NBAS: variants seen among roughly 807,000 people sequenced by gnomAD.
NBAS encodes NBAS subunit of NRZ tethering complex, also known as NAG/BC035112 fusion.
NBAS carries 219 observed loss-of-function variants against 302.5 expected under a neutral mutation model. That is an observed-to-expected ratio of 0.72 (90% CI 0.65 to 0.81). The LOEUF (loss-of-function observed/expected upper bound fraction) is 0.81. NBAS is among the 30% of genes least tolerant of loss of function. The pLI is 0.00. For synonymous variants in NBAS, 1,118 were observed against 1,021.6 expected, an observed-to-expected ratio of 1.09 and a Z score of -1.80; for missense variants, 2,932 against 2,841.6, an observed-to-expected ratio of 1.03 and a Z score of -0.72.
At chr2:15,075,245 T>C in the NBAS span, among the ~76,000 whole-genome samples, 1 of 152,190 alleles carries the variant, frequency 6.6e-6, no homozygotes, top group African/African-American at 2.4e-5. Context: ...TGATCTATTG[T>C]TAAATGTAAA....
At chr2:15,048,024 T>C in the NBAS span, among the ~76,000 whole-genome samples, 69 of 74,222 alleles carry the variant, frequency 9.3e-4, no homozygotes, top group Middle Eastern at 5.1e-3. Context: ...GTTCAGCAAA[T>C]GGCTAGTGGA....
intron 11 of NBAS, among the ~76,000 whole-genome samples, chr2:15,489,227 A>G (rs568251191): frequency 4.5e-4 from 69 of 152,306 alleles, no homozygotes; most frequent in African/African-American, 1.5e-3. Flanking sequence ...CTTCAGAGTT[A>G]TAATTTACAT....
At chr2:14,900,444 C>T in the NBAS span, among the ~76,000 whole-genome samples, 6 of 152,068 alleles carry the variant, frequency 3.9e-5, no homozygotes, top group Non-Finnish European at 8.8e-5. Flanking sequence ...ACAGGTATTC[C>T]TTTCATCTGC....
At chr2:15,294,312 A>G (rs927030755) in intron 40 of NBAS, among the ~76,000 whole-genome samples, 1 of 152,230 alleles carries the variant, frequency 6.6e-6, no homozygotes, top group South Asian at 2.1e-4. Flanking sequence ...AAATTCCAGT[A>G]AAAGGTAGAA....
At chr2:14,967,671 A>G in the NBAS span, among the ~76,000 whole-genome samples, 1 of 152,192 alleles carries the variant, frequency 6.6e-6, no homozygotes, top group African/African-American at 2.4e-5. Context: ...CTTAGCTACA[A>G]TATCAAAAGC....
chr2:15,554,985 T>C (rs148377668), intron 3 of NBAS, among the ~76,000 whole-genome samples: 102 of 151,948 alleles, frequency 6.7e-4, no homozygotes, highest in African/African-American at 2.4e-3. Flanking sequence ...AGAGGATTAA[T>C]ACCCGAAGAA....
chr2:14,891,424 T>C, the NBAS span, among the ~76,000 whole-genome samples: 1 of 152,182 alleles, frequency 6.6e-6, no homozygotes, highest in Admixed American at 6.5e-5. Flanking sequence ...AGGTACCTCA[T>C]TCTGACACAG....
intron 48 of NBAS, among the ~76,000 whole-genome samples, chr2:15,216,305 A>G (rs765072580): frequency 6.6e-6 from 1 of 152,180 alleles, no homozygotes; most frequent in Non-Finnish European, 1.5e-5. Flanking sequence ...AGGCGAGAAA[A>G]CAAAAAGAGT....
chr2:14,785,894 T>C, the NBAS span, among the ~76,000 whole-genome samples: 1 of 152,184 alleles, frequency 6.6e-6, no homozygotes, highest in Non-Finnish European at 1.5e-5. Context: ...TCAGGAGGAA[T>C]GGTACCAGTT....
rs1353797312 is a variant in NBAS, at chr2:15,415,573, C to T, written c.2910G>A (p.Leu970=). The change falls in exon 25 of 52, where the codon CTG becomes CTA. Residue 970 remains leucine (L), a synonymous_variant. Coordinates refer to ENST00000281513, the MANE Select transcript of NBAS (RefSeq NM_015909.4). ...TLAKGDLKFP[L]KIFQHSKPDL... is the part of the protein sequence containing the mutation. ...CTGGTTTGGAATGCTGAAATATCTT[C>T]AGGGGAAATTTTAAGTCCCCTTTAG... 1.2e-6 allele frequency: 2 copies of T among 1,613,962 alleles called. No individual in the cohort carries two copies. Among genetic ancestry groups the T allele is most frequent in the African/African-American group, 1.3e-5 (1 of 74,906 alleles).
At chr2:15,178,064 T>C (rs887283482) in intron 51 of NBAS, 9 of 445,436 alleles carry the variant, frequency 2.0e-5, no homozygotes, top group Admixed American at 5.1e-5. Flanking sequence ...TTTATATCAG[T>C]GATGTCTTTT....
the NBAS span, among the ~76,000 whole-genome samples, chr2:14,787,523 A>G: frequency 1.3e-5 from 2 of 152,202 alleles, no homozygotes; most frequent in Admixed American, 6.5e-5. Flanking sequence ...CCTGATGGTG[A>G]CATAATCTCT....
At chr2:15,352,889 C>T (rs1196407237) in intron 34 of NBAS, among the ~76,000 whole-genome samples, 2 of 151,942 alleles carry the variant, frequency 1.3e-5, no homozygotes, top group Non-Finnish European at 2.9e-5. Context: ...CTGGCTGCAA[C>T]CAATTATTAT....
chr2:15,120,705 A>G, the NBAS span, among the ~76,000 whole-genome samples: 1 of 152,216 alleles, frequency 6.6e-6, no homozygotes, highest in East Asian at 1.9e-4. Flanking sequence ...GATGGAGTGT[A>G]TAAGTCCCAG....
intron 11 of NBAS, among the ~76,000 whole-genome samples, chr2:15,492,520 G>A (rs964067517): frequency 4.6e-5 from 7 of 152,140 alleles, no homozygotes; most frequent in African/African-American, 1.4e-4. Flanking sequence ...GCACTGGCAC[G>A]ATCTCGGTTC....
At chr2:14,997,545 T>C in the NBAS span, among the ~76,000 whole-genome samples, 9 of 152,228 alleles carry the variant, frequency 5.9e-5, no homozygotes, top group Admixed American at 4.6e-4. Flanking sequence ...GGTGATTTGA[T>C]GTATGCTTAT....
At chr2:15,523,713 A>G (rs1662786269) in intron 9 of NBAS, among the ~76,000 whole-genome samples, 1 of 152,186 alleles carries the variant, frequency 6.6e-6, no homozygotes, top group Non-Finnish European at 1.5e-5. Flanking sequence ...TAGGAGTTCA[A>G]GACCAGCCTG....
the NBAS span, among the ~76,000 whole-genome samples, chr2:15,113,932 G>T: frequency 6.6e-6 from 1 of 152,088 alleles, no homozygotes; most frequent in African/African-American, 2.4e-5. Context: ...AGCACAAAAA[G>T]AGAGACAAGA....
chr2:14,854,155 C>A, the NBAS span, among the ~76,000 whole-genome samples: 1 of 150,670 alleles, frequency 6.6e-6, no homozygotes, highest in Non-Finnish European at 1.5e-5. Flanking sequence ...CATACAAAAA[C>A]CAAAACCTAT....
Sources: allele counts gnomAD v4.1 joint callset (sites outside exome capture counted in the v4.1 genomes callset), GRCh38; gene constraint gnomAD v4.1.1; transcripts MANE v1.5; gene names NCBI Gene and HGNC (gene_info 2026-07-23, HGNC 2026-07-21).